Variants in GLI3 observed in about 807,000 individuals in gnomAD.
The protein encoded by GLI3 is GLI family zinc finger 3, also known as transcription activator GLI3.
GLI3 carries 20 observed loss-of-function variants against 100.8 expected under a neutral mutation model. That is an observed-to-expected ratio of 0.20 (90% CI 0.14 to 0.29). The LOEUF is 0.29. Ranked by LOEUF, GLI3 falls within the 10% of genes least tolerant of loss-of-function variation. The pLI is 1.00. For synonymous variants in GLI3, 938 were observed against 860.5 expected, an observed-to-expected ratio of 1.09 and a Z score of -1.58; for missense variants, 2,040 against 2,128.5, an observed-to-expected ratio of 0.96 and a Z score of 0.82.
chr7:42,030,332 C>T (rs936410889), intron 7 of GLI3, among the ~76,000 whole-genome samples: 3 of 152,160 alleles, frequency 2.0e-5, no homozygotes, highest in Non-Finnish European at 4.4e-5. Context: ...CTGCAAAAGT[C>T]GTTCTGGCAT....
At chr7:42,056,427 G>A (rs1238707267) in intron 4 of GLI3, among the ~76,000 whole-genome samples, 1 of 152,122 alleles carries the variant, frequency 6.6e-6, no homozygotes, top group East Asian at 1.9e-4. Flanking sequence ...AAGCATGTGG[G>A]TCATGAAAAA....
At chr7:42,203,308 A>G (rs539137543) in intron 2 of GLI3, among the ~76,000 whole-genome samples, 72 of 152,274 alleles carry the variant, frequency 4.7e-4, no homozygotes, top group Admixed American at 1.8e-3. Context: ...TATAGTTACC[A>G]TGCCGTACAA....
At chr7:42,064,248 G>A (rs1286778330) in intron 4 of GLI3, among the ~76,000 whole-genome samples, 1 of 152,090 alleles carries the variant, frequency 6.6e-6, no homozygotes, top group Non-Finnish European at 1.5e-5. Flanking sequence ...ATATTTTCAT[G>A]GAATCCCCTT....
chr7:42,243,662 G>A (rs936040780), intron 1 of GLI3, among the ~76,000 whole-genome samples: 5 of 152,182 alleles, frequency 3.3e-5, no homozygotes, highest in African/African-American at 1.2e-4. Context: ...ATTAGTAGAT[G>A]CCAAGGAAAG....
chr7:42,107,908 T>TA (rs1480571747), intron 3 of GLI3, among the ~76,000 whole-genome samples: 1 of 152,218 alleles, frequency 6.6e-6, no homozygotes, highest in East Asian at 1.9e-4. Flanking sequence ...CTGGATTTTT[T>TA]AAACTTTTTC....
intron 1 of GLI3, among the ~76,000 whole-genome samples, chr7:42,244,697 A>G (rs1583673301): frequency 6.6e-6 from 1 of 151,432 alleles, no homozygotes; most frequent in Non-Finnish European, 1.5e-5. Context: ...AGAATAAAAC[A>G]CCTTTAAAAA....
intron 3 of GLI3, among the ~76,000 whole-genome samples, chr7:42,089,162 C>T (rs1487083779): frequency 2.0e-5 from 3 of 152,176 alleles, no homozygotes; most frequent in African/African-American, 7.2e-5. Context: ...ACGCCTAGGT[C>T]CACACCTACA....
chr7:42,164,583 C>A (rs1787200136), intron 2 of GLI3, among the ~76,000 whole-genome samples: 1 of 152,072 alleles, frequency 6.6e-6, no homozygotes, highest in Non-Finnish European at 1.5e-5. Flanking sequence ...GTAATCCCAG[C>A]ACTTTGGGAG....
intron 2 of GLI3, among the ~76,000 whole-genome samples, chr7:42,219,917 G>C (rs1363983182): frequency 1.3e-5 from 2 of 148,576 alleles, no homozygotes; most frequent in Non-Finnish European, 3.0e-5. Context: ...GCAGTGGCAC[G>C]ATCTTGGCTC....
chr7:42,053,724 G>A (rs912948401), intron 4 of GLI3, among the ~76,000 whole-genome samples: 1 of 152,156 alleles, frequency 6.6e-6, no homozygotes, highest in African/African-American at 2.4e-5. Flanking sequence ...ATTGGAGGGA[G>A]ACACAAACCA....
chr7:42,006,565 T>A (rs565984971), intron 10 of GLI3, among the ~76,000 whole-genome samples: 3 of 152,202 alleles, frequency 2.0e-5, no homozygotes, highest in Non-Finnish European at 4.4e-5. Flanking sequence ...TGTGTGAACC[T>A]GCATGTGTAT....
chr7:42,241,385 G>T (rs1788923370), upstream of GLI3, among the ~76,000 whole-genome samples: 2 of 152,224 alleles, frequency 1.3e-5, no homozygotes, highest in South Asian at 2.1e-4. Flanking sequence ...TGCTTTCCTG[G>T]GTCCTGGTGA....
chr7:42,146,192 T>C (rs1382141141), intron 3 of GLI3, among the ~76,000 whole-genome samples: 23 of 152,184 alleles, frequency 1.5e-4, no homozygotes, highest in Admixed American at 1.3e-4. Context: ...TTGGACAATA[T>C]TGTGGGAGAA....
Position 41,988,400 on chromosome 7 carries a change from T to C in GLI3, c.1498-9652A>G, listed in dbSNP as rs1226315166. 1.4e-4 allele frequency among the ~76,000 whole-genome samples: 19 copies of C among 134,448 alleles called. No individual in the cohort carries two copies. The Admixed American group carries it at 1.6e-3, about 11-fold the overall frequency. The allele number at this position is 134,448 out of a possible 152,430, so 88.2% of individuals were successfully genotyped here. ...ATCACTTGAACCCAGGAGGAGGAGG[T>C]TGCAGTGAGCCAAGATCACTCCATT... On this transcript the variant is annotated intron_variant, in intron 10 of 14. Transcript: ENST00000395925.
At chr7:42,047,016 C>T (rs1023194168) in intron 5 of GLI3, among the ~76,000 whole-genome samples, 36 of 152,040 alleles carry the variant, frequency 2.4e-4, no homozygotes, top group African/African-American at 8.4e-4. Context: ...ATTAGCTAGG[C>T]GTGGTGGTGC....
At chr7:42,103,817 T>C (rs1217434952) in intron 3 of GLI3, among the ~76,000 whole-genome samples, 1 of 152,134 alleles carries the variant, frequency 6.6e-6, no homozygotes, top group African/African-American at 2.4e-5. Context: ...CAGATGTAGA[T>C]TGGCATGTGA....
intron 1 of GLI3, among the ~76,000 whole-genome samples, chr7:42,260,850 G>T (rs1361589687): frequency 1.3e-5 from 2 of 152,152 alleles, no homozygotes; most frequent in East Asian, 3.9e-4. Flanking sequence ...GAGAGGGAAA[G>T]AGTGAAATAA....
intron 10 of GLI3, among the ~76,000 whole-genome samples, chr7:41,990,251 A>C (rs1787946280): frequency 6.6e-6 from 1 of 152,112 alleles, no homozygotes; most frequent in Admixed American, 6.6e-5. Flanking sequence ...AGCTACTAGG[A>C]GCACCAGTAT....
At chr7:42,088,167 C>A (rs570414980) in intron 3 of GLI3, among the ~76,000 whole-genome samples, 3 of 152,342 alleles carry the variant, frequency 2.0e-5, no homozygotes, top group Admixed American at 6.5e-5. Context: ...ACATTTTACA[C>A]ACACCTCAAA....
Sources: allele counts gnomAD v4.1 joint callset (sites outside exome capture counted in the v4.1 genomes callset), GRCh38; gene constraint gnomAD v4.1.1; transcripts MANE v1.5; gene names NCBI Gene and HGNC (gene_info 2026-07-23, HGNC 2026-07-21).